AZIN2: variants seen among roughly 807,000 people sequenced by gnomAD.
The protein encoded by AZIN2 is antizyme inhibitor 2.
A neutral mutation model predicts 47.8 loss-of-function variants in AZIN2; 28 were observed. The ratio of observed to expected loss-of-function variants is 0.59; its 90% confidence interval spans 0.43 to 0.80. The LOEUF (loss-of-function observed/expected upper bound fraction) is 0.80, where lower values mean the gene tolerates loss of function less well. Among genes scored for constraint, AZIN2 ranks in the 30% least tolerant of loss-of-function variants. AZIN2 has a pLI of 0.00. For missense variants in AZIN2, 535 were observed against 582.5 expected, an observed-to-expected ratio of 0.92 and a Z score of 0.84; for synonymous variants, 221 against 239.4, an observed-to-expected ratio of 0.92 and a Z score of 0.71.
the AZIN2 span, among the ~76,000 whole-genome samples, chr1:33,137,024 G>T: frequency 6.6e-6 from 1 of 151,758 alleles, no homozygotes; most frequent in Non-Finnish European, 1.5e-5. Flanking sequence ...AAGAAAATCA[G>T]CCAGTGCTTG....
chr1:33,093,403 G>T lies in AZIN2; in HGVS notation c.574G>T (p.Val192Leu), dbSNP rs367828297. Residue 192 changes from valine to leucine, a missense_variant, in exon 7 of 12, where the codon GTG (valine) becomes TTG (leucine). Transcript: ENST00000294517. ...AAATGCGAAGAAGCACCATGTGGAGGTGGTGGGTGTGAGGTGAGCACTGGG... is the reference window on the plus strand; with the variant it reads ...AAATGCGAAGAAGCACCATGTGGAGTTGGTGGGTGTGAGGTGAGCACTGGG... The part of the protein sequence containing the change: ...LENAKKHHVE[V>L]VGVSFHIGSG... 7.4e-6 allele frequency: 12 copies of T among 1,613,892 alleles called. No homozygotes were observed. The highest frequency in any genetic ancestry group is 1.0e-5 in the Non-Finnish European group (12 of 1,179,872).
chr1:33,113,808 G>A lies in AZIN2; in HGVS notation c.1030-4094G>A, dbSNP rs1644394467. 6.6e-6 allele frequency among the ~76,000 whole-genome samples: 1 copy of A among 152,178 alleles called. No individual in the cohort carries two copies. On this transcript the variant is annotated intron_variant, in intron 10 of 11. Transcript: ENST00000294517. The surrounding 1 kb of genome is among the most constrained non-coding windows in gnomAD (Gnocchi z 4.1). ...TTTAAAATAGTCTCTCTTCATTGTG[G>A]GGTTTTGTTTTGTCTGTAGTTTTAA...
intron 5 of AZIN2, among the ~76,000 whole-genome samples, chr1:33,086,288 T>C (rs1641888806): frequency 6.6e-6 from 1 of 152,170 alleles, no homozygotes; most frequent in Non-Finnish European, 1.5e-5. Flanking sequence ...AAATGAGAGA[T>C]GGAGGTTCCG....
At chr1:33,129,680 A>G in the AZIN2 span, among the ~76,000 whole-genome samples, 1 of 152,100 alleles carries the variant, frequency 6.6e-6, no homozygotes, top group African/African-American at 2.4e-5. This position sits in a 1 kb window ranked among gnomAD's most constrained non-coding sequence, Gnocchi z 4.1. Flanking sequence ...GAGAAAACAC[A>G]TTTGGTCCAC....
the AZIN2 span, among the ~76,000 whole-genome samples, chr1:33,152,481 C>T: frequency 6.6e-6 from 1 of 151,224 alleles, no homozygotes; most frequent in Admixed American, 6.6e-5. Context: ...GCAGGAGAAT[C>T]GCTTGAATCT....
the AZIN2 span, among the ~76,000 whole-genome samples, chr1:33,155,010 G>A: frequency 1.4e-5 from 2 of 140,746 alleles, no homozygotes; most frequent in African/African-American, 2.6e-5. Context: ...GGAGAATGGC[G>A]TGAACCCGGG....
At chr1:33,128,826 A>C in the AZIN2 span, among the ~76,000 whole-genome samples, 10 of 152,262 alleles carry the variant, frequency 6.6e-5, no homozygotes, top group Non-Finnish European at 1.5e-4. Flanking sequence ...AAAAATCAGT[A>C]GAAATGAACT....
intron 10 of AZIN2, among the ~76,000 whole-genome samples, chr1:33,108,402 G>A (rs1433544284): frequency 6.6e-6 from 1 of 150,688 alleles, no homozygotes; most frequent in Admixed American, 6.6e-5. Context: ...GAGTGCAGTG[G>A]TGTGATCTTG....
At chr1:33,159,082 T>C in the AZIN2 span, among the ~76,000 whole-genome samples, 1 of 151,866 alleles carries the variant, frequency 6.6e-6, no homozygotes, top group Admixed American at 6.6e-5. The surrounding 1 kb of genome is among the most constrained non-coding windows in gnomAD (Gnocchi z 4.2). Flanking sequence ...TGACCTCAGG[T>C]AATCCACCTG....
Position 33,118,795 on chromosome 1 carries a change from C to T in AZIN2, c.1244+679C>T, listed in dbSNP as rs1004695185. On this transcript the variant is annotated intron_variant, in intron 11 of 11. Coordinates refer to ENST00000294517, the MANE Select transcript of AZIN2 (RefSeq NM_052998.4). ...AAGCGTAACAGTAGCCCTGCCTGCC[C>T]CACCAGGCTAGTGCTGGGATCCAGT... The T allele has an allele frequency of 6.6e-4, 101 of 152,220 alleles. 1 individual carries two copies. The highest frequency in any genetic ancestry group is 4.6e-4 in the Non-Finnish European group (31 of 68,050). 9.4% of individuals were successfully genotyped at this position (152,220 alleles called of 1,614,324 possible). A position where few individuals can be genotyped will look rare whatever the true frequency, so the allele number is the denominator to read the frequency against.
the AZIN2 span, among the ~76,000 whole-genome samples, chr1:33,158,802 C>T: frequency 6.6e-6 from 1 of 152,072 alleles, no homozygotes; most frequent in Non-Finnish European, 1.5e-5. Flanking sequence ...GGGCCTTGGC[C>T]AACTGATGTA....
chr1:33,129,345 T>A, the AZIN2 span, among the ~76,000 whole-genome samples: 1 of 152,166 alleles, frequency 6.6e-6, no homozygotes, highest in Non-Finnish European at 1.5e-5. The surrounding 1 kb of genome is among the most constrained non-coding windows in gnomAD (Gnocchi z 4.1). Context: ...AGGACCGGCC[T>A]TACAAACATT....
At chr1:33,085,780 T>G (rs1641821917) in intron 5 of AZIN2, among the ~76,000 whole-genome samples, 1 of 152,178 alleles carries the variant, frequency 6.6e-6, no homozygotes, top group Non-Finnish European at 1.5e-5. Context: ...CACCTCGTTT[T>G]GTGCATGTCT....
At chr1:33,098,025 A>T in intron 9 of AZIN2, 42 bp from the exon 10 acceptor site, 1 of 1,466,088 alleles carries the variant, frequency 6.8e-7, no homozygotes, top group Non-Finnish European at 9.6e-7. Context: ...CCACCCCCTC[A>T]CATTGCTACT....
chr1:33,148,514 G>A, the AZIN2 span, among the ~76,000 whole-genome samples: 1 of 152,146 alleles, frequency 6.6e-6, no homozygotes, highest in Non-Finnish European at 1.5e-5. Flanking sequence ...ATAGGCATTT[G>A]AGGCAGGATG....
rs576699235 is a variant in AZIN2 at position 33,109,174 on chromosome 1, G to T, written c.1030-8728G>T. Among the ~76,000 whole-genome samples, 7 of 152,220 alleles carry T rather than the reference G, an allele frequency of 4.6e-5. No individual in the cohort carries two copies. In the South Asian group the frequency reaches 1.5e-3, roughly 32 times the overall value. ...GGCGAAGTATCTGTTAAAGTCCTTTGACCATTTTAAACAGAGTTTTACTTG... is the reference window on the plus strand; with the variant it reads ...GGCGAAGTATCTGTTAAAGTCCTTTTACCATTTTAAACAGAGTTTTACTTG... On this transcript the variant is annotated intron_variant, in intron 10 of 11. Coordinates refer to ENST00000294517, the MANE Select transcript of AZIN2 (RefSeq NM_052998.4).
the AZIN2 span, chr1:33,147,794 T>C: frequency 1.3e-6 from 2 of 1,536,496 alleles, no homozygotes; most frequent in Non-Finnish European, 1.8e-6. This position sits in a 1 kb window ranked among gnomAD's most constrained non-coding sequence, Gnocchi z 8.1. Context: ...ATGCAGTGCC[T>C]TCCTGAGGGC....
chr1:33,150,257 C>T, the AZIN2 span, among the ~76,000 whole-genome samples: 1 of 152,180 alleles, frequency 6.6e-6, no homozygotes, highest in African/African-American at 2.4e-5. Context: ...CCTTTACTGG[C>T]GAAGTGGGGA....
chr1:33,159,419 G>A, the AZIN2 span, among the ~76,000 whole-genome samples: 1 of 152,090 alleles, frequency 6.6e-6, no homozygotes, highest in Non-Finnish European at 1.5e-5. The surrounding 1 kb of genome is among the most constrained non-coding windows in gnomAD (Gnocchi z 4.2). Flanking sequence ...CACCCCTAGA[G>A]CCAAGACAGC....
Sources: allele counts gnomAD v4.1 joint callset (sites outside exome capture counted in the v4.1 genomes callset), GRCh38; gene constraint gnomAD v4.1.1; non-coding constraint Gnocchi (gnomAD v3.1); transcripts MANE v1.5; gene names NCBI Gene and HGNC (gene_info 2026-07-23, HGNC 2026-07-21).